LYRM4: variants seen among roughly 807,000 people sequenced by gnomAD.
The protein encoded by LYRM4 is LYR motif containing 4, also known as LYR motif-containing protein 4.
A neutral mutation model predicts 11.7 loss-of-function variants in LYRM4; 9 were observed. The observed-to-expected ratio is 0.77, with a 90% CI of 0.46 to 1.34. The LOEUF (loss-of-function observed/expected upper bound fraction) is 1.34. LYRM4 is among the 40% of genes most tolerant of loss of function. The pLI is 0.00. For missense variants in LYRM4, 133 were observed against 112.5 expected, an observed-to-expected ratio of 1.18 and a Z score of -0.82; for synonymous variants, 42 against 40.4, an observed-to-expected ratio of 1.04 and a Z score of -0.15.
intron 2 of LYRM4, among the ~76,000 whole-genome samples, chr6:5,170,152 G>A (rs1759340002): frequency 6.6e-6 from 1 of 152,210 alleles, no homozygotes; most frequent in African/African-American, 2.4e-5. Context: ...GGATGCCAAA[G>A]GGTTTTGGAT....
intron 2 of LYRM4, among the ~76,000 whole-genome samples, chr6:5,133,412 A>ACGC (rs941497170): frequency 9.2e-5 from 14 of 152,194 alleles, no homozygotes; most frequent in Non-Finnish European, 1.9e-4. Flanking sequence ...TAAATCTAGC[A>ACGC]CGCCACCACC....
At chr6:5,041,870 A>G in the LYRM4 span, among the ~76,000 whole-genome samples, 1 of 152,238 alleles carries the variant, frequency 6.6e-6, no homozygotes, top group African/African-American at 2.4e-5. Flanking sequence ...TAAACAAAGG[A>G]CTATAATTCT....
At chr6:5,069,489 T>G in the LYRM4 span, among the ~76,000 whole-genome samples, 6 of 150,516 alleles carry the variant, frequency 4.0e-5, no homozygotes, top group Non-Finnish European at 5.9e-5. Flanking sequence ...TATATTTTTT[T>G]GTTTTTTGTT....
At chr6:5,190,258 G>C (rs1423847387) in intron 2 of LYRM4, among the ~76,000 whole-genome samples, 1 of 151,238 alleles carries the variant, frequency 6.6e-6, no homozygotes, top group Non-Finnish European at 1.5e-5. Flanking sequence ...AAACCAATTT[G>C]GCTCAAACTG....
downstream of LYRM4, chr6:5,107,255 C>T (rs780250807): frequency 1.3e-5 from 2 of 152,234 alleles, no homozygotes; most frequent in African/African-American, 2.4e-5. Context: ...CTGCAGCCCA[C>T]GTTAAGTTTG....
chr6:5,120,052 G>A (rs1382690980), intron 2 of LYRM4, among the ~76,000 whole-genome samples: 2 of 151,794 alleles, frequency 1.3e-5, no homozygotes, highest in Admixed American at 6.6e-5. Context: ...ATGCCACCAC[G>A]TCTGGCTAAT....
chr6:5,207,560 T>G (rs903624425), intron 2 of LYRM4, among the ~76,000 whole-genome samples: 1 of 152,212 alleles, frequency 6.6e-6, no homozygotes, highest in Admixed American at 6.5e-5. Flanking sequence ...CTTTGATTAC[T>G]TGAAAGGACA....
At chr6:5,151,716 ATTAT>A (rs1758100147) in intron 2 of LYRM4, among the ~76,000 whole-genome samples, 2 of 152,224 alleles carry the variant, frequency 1.3e-5, no homozygotes, top group Non-Finnish European at 2.9e-5. Context: ...CTAGGGGCAG[ATTAT>A]TTATTCTCTG....
chr6:5,081,179 T>G, the LYRM4 span, among the ~76,000 whole-genome samples: 25 of 144,062 alleles, frequency 1.7e-4, no homozygotes, highest in African/African-American at 6.4e-4. Context: ...TTTCAAGAAG[T>G]TAGTTTACAT....
chr6:5,256,666 G>A (rs1252627959), intron 1 of LYRM4, among the ~76,000 whole-genome samples: 2 of 152,072 alleles, frequency 1.3e-5, no homozygotes, highest in East Asian at 1.9e-4. Context: ...AGAGTTGGTG[G>A]TGCTGACTAC....
At chr6:5,227,876 C>A (rs893464512) in intron 1 of LYRM4, among the ~76,000 whole-genome samples, 4 of 152,116 alleles carry the variant, frequency 2.6e-5, no homozygotes, top group Non-Finnish European at 5.9e-5. Flanking sequence ...AGCAAACTAA[C>A]ACAGGAACAG....
intron 2 of LYRM4, among the ~76,000 whole-genome samples, chr6:5,179,796 T>G (rs541080288): frequency 6.6e-6 from 1 of 152,330 alleles, no homozygotes; most frequent in South Asian, 2.1e-4. Context: ...GTGTAATTGT[T>G]GCATCCTATG....
chr6:5,111,690 C>T (rs1277498137), intron 2 of LYRM4, among the ~76,000 whole-genome samples: 4 of 152,166 alleles, frequency 2.6e-5, no homozygotes, highest in Non-Finnish European at 5.9e-5. Flanking sequence ...CGTGTTGATC[C>T]ACATGTTCTG....
intron 1 of LYRM4, among the ~76,000 whole-genome samples, chr6:5,249,457 CTG>C (rs1764334751): frequency 6.6e-6 from 1 of 152,180 alleles, no homozygotes; most frequent in African/African-American, 2.4e-5. Context: ...AAGGAAGTCA[CTG>C]TGATTTTTGC....
At chr6:5,227,435 G>A (rs1175733675) in intron 1 of LYRM4, among the ~76,000 whole-genome samples, 2 of 152,188 alleles carry the variant, frequency 1.3e-5, no homozygotes, top group Non-Finnish European at 2.9e-5. Flanking sequence ...TGTACAGAGA[G>A]TAGATAAGAT....
intron 2 of LYRM4, among the ~76,000 whole-genome samples, chr6:5,140,499 C>T (rs572978535): frequency 3.3e-5 from 5 of 152,250 alleles, no homozygotes; most frequent in African/African-American, 1.2e-4. Flanking sequence ...TTGAAGGACA[C>T]CAACACAAAG....
intron 2 of LYRM4, among the ~76,000 whole-genome samples, chr6:5,166,021 TA>T (rs1554133520): frequency 6.6e-6 from 1 of 152,148 alleles, no homozygotes; most frequent in Non-Finnish European, 1.5e-5. Context: ...GTGTTTTTTT[TA>T]AAATTATAAA....
At position 5,141,495 on chromosome 6, in the gene LYRM4, C is replaced by T. The variant is rs539414343; in HGVS notation, c.208-32004G>A. On this transcript the variant is annotated intron_variant, in intron 2 of 2. Transcript: ENST00000330636. ...GTAAATACAGGATTTCTTCTGCCAA[C>T]GCACATGTCCACCGTAGCGGAACAG... Among the ~76,000 whole-genome samples the T allele has an allele frequency of 7.9e-5, 12 of 152,314 alleles. 1 individual carries two copies. The South Asian group carries it at 2.5e-3, about 32-fold the overall frequency.
chr6:5,224,115 T>G (rs115207449), intron 1 of LYRM4, among the ~76,000 whole-genome samples: 2,725 of 152,354 alleles, frequency 0.018, 75 homozygotes, highest in African/African-American at 0.062. Context: ...AGCTGGATTC[T>G]TGGCTAACTC....
Sources: allele counts gnomAD v4.1 joint callset (sites outside exome capture counted in the v4.1 genomes callset), GRCh38; gene constraint gnomAD v4.1.1; transcripts MANE v1.5; gene names NCBI Gene and HGNC (gene_info 2026-07-23, HGNC 2026-07-21).